The following LRRC58 variants were observed in gnomAD, a reference collection of about 807,000 sequenced individuals.
The protein encoded by LRRC58 is leucine-rich repeat-containing protein 58.
LRRC58 carries 18 observed loss-of-function variants against 30.6 expected under a neutral mutation model. The ratio of observed to expected loss-of-function variants is 0.59; its 90% CI spans 0.41 to 0.87. The LOEUF is 0.87. LRRC58 is among the 40% of genes least tolerant of loss of function. The pLI is 0.00. For synonymous variants in LRRC58, 221 were observed against 206.0 expected (o/e 1.07, Z -0.62); for missense variants, 420 against 468.4 (o/e 0.90, Z 0.95).
intron 3 of LRRC58, among the ~76,000 whole-genome samples, chr3:120,332,490 C>T: frequency 6.6e-6 from 1 of 152,008 alleles, no homozygotes; most frequent in Non-Finnish European, 1.5e-5. Context: ...GTTGGTCAGT[C>T]ATAGACCGAT....
At chr3:120,344,031 T>A (rs1235236345) in intron 1 of LRRC58, among the ~76,000 whole-genome samples, 3 of 151,454 alleles carry the variant, frequency 2.0e-5, no homozygotes, top group Non-Finnish European at 4.4e-5. Context: ...AGGGCGAGAC[T>A]CTGACTCCAA....
rs1935814280 is a variant in LRRC58 at position 120,334,958 on chromosome 3, T to C, written c.811A>G (p.Lys271Glu). The C allele has an allele frequency of 2.5e-6, 4 of 1,613,840 alleles. No homozygotes were observed. The highest frequency in any genetic ancestry group is 3.4e-6 in the Non-Finnish European group (4 of 1,179,828). The change falls in exon 3 of 4, where the codon AAG (lysine) becomes GAG (glutamate). Residue 271 changes from lysine (K) to glutamate (E), a missense_variant. Lys to Glu is a moderately conservative substitution (Grantham distance 56). Around this residue, in one of 2 missense-constraint regions of LRRC58, gnomAD observed 154 missense variants for 216.8 expected, o/e 0.71. Transcript: ENST00000295628. ...TLLELAARTI[K>E]IRNISYTPYD... The stretch of plus-strand genomic sequence containing the variant: ...GGAGTGTAGGAAATATTTCGAATCT[T>C]AATGGTCCGTGCAGCTAATTCCAGG...
chr3:120,330,449 C>T lies in LRRC58; in HGVS notation c.*751G>A, dbSNP rs1935738903. On this transcript the variant is annotated 3_prime_UTR_variant, in exon 4 of 4. Coordinates refer to ENST00000295628, the MANE Select transcript of LRRC58 (RefSeq NM_001099678.2). ...TTTTACAATGTTCTGCATGGTATGT[C>T]AGGTTATAGGTTGCTCTGGCATTAC... 1 of 152,090 alleles carries T rather than the reference C, an allele frequency of 6.6e-6. No homozygotes were observed. Among genetic ancestry groups the T allele is most frequent in the South Asian group, 2.1e-4 (1 of 4,830 alleles). The allele number at this position is 152,090 out of a possible 1,614,324, so 9.4% of individuals were successfully genotyped here.
At chr3:120,347,256 A>T (rs1268717147) in intron 1 of LRRC58, among the ~76,000 whole-genome samples, 1 of 152,170 alleles carries the variant, frequency 6.6e-6, no homozygotes, top group East Asian at 1.9e-4. Flanking sequence ...AAATGAAGAG[A>T]CATCTTGCCC....
intron 3 of LRRC58, among the ~76,000 whole-genome samples, chr3:120,334,201 A>T (rs1484522963): frequency 6.6e-6 from 1 of 152,166 alleles, no homozygotes; most frequent in Non-Finnish European, 1.5e-5. Flanking sequence ...AGAAAACATC[A>T]TTCAAATAAA....
At chr3:120,335,977 CA>C in intron 1 of LRRC58, 24 bp from the exon 2 acceptor site, 3 of 1,496,604 alleles carry the variant, frequency 2.0e-6, no homozygotes, top group Non-Finnish European at 2.7e-6. Context: ...TGAACAAAAC[CA>C]AAAAAGTAAA....
chr3:120,334,772 G>T, intron 3 of LRRC58, 90 bp downstream of exon 3: 1 of 1,202,182 alleles, frequency 8.3e-7, no homozygotes, highest in African/African-American at 1.5e-5. Flanking sequence ...AAAGGGAACA[G>T]AAACAGAGAC....
At chr3:120,336,009 C>A in intron 1 of LRRC58, 56 bp from the exon 2 acceptor site, 3 of 1,283,092 alleles carry the variant, frequency 2.3e-6, no homozygotes, top group South Asian at 2.7e-5. Context: ...AAAGATACCC[C>A]ATTGTGTCTA....
chr3:120,335,204 T>A, intron 2 of LRRC58, 65 bp from the exon 3 acceptor site: 1 of 1,364,262 alleles, frequency 7.3e-7, no homozygotes, highest in Non-Finnish European at 1.0e-6. Context: ...ATATTGAATA[T>A]ATGTGTGTAT....
Position 120,335,900 on chromosome 3 carries a change from A to G in LRRC58, c.554T>C (p.Leu185Ser). 1.3e-6 allele frequency: 2 copies of G among 1,599,640 alleles called. No homozygotes were observed. The highest frequency in any genetic ancestry group is 1.7e-6 in the Non-Finnish European group (2 of 1,167,210). Residue 185 changes from leucine (L) to serine (S), a missense_variant, in exon 2 of 4, where the codon TTA (leucine) becomes TCA (serine). Physicochemically the swap from Leu to Ser is moderately radical, Grantham distance 145 (BLOSUM62 -2). Around this residue, in one of 2 missense-constraint regions of LRRC58, gnomAD observed 266 missense variants for 251.7 expected, o/e 1.06. Coordinates refer to ENST00000295628, the MANE Select transcript of LRRC58 (RefSeq NM_001099678.2). ...GNFIKEIPPE[L>S]GNLPSLNYLV... ...ATAATTCAGAGAAGGCAGATTTCCT[A>G]ATTCTGGTGGGATTTCTTTAATGAA...
intron 1 of LRRC58, among the ~76,000 whole-genome samples, chr3:120,339,529 T>G (rs1488611799): frequency 1.3e-5 from 2 of 152,248 alleles, no homozygotes; most frequent in Non-Finnish European, 2.9e-5. Context: ...GTTTTAACTT[T>G]TTCCCCTCAC....
At chr3:120,348,026 G>T (rs1935996053) in intron 1 of LRRC58, among the ~76,000 whole-genome samples, 2 of 152,158 alleles carry the variant, frequency 1.3e-5, no homozygotes, top group Non-Finnish European at 2.9e-5. Flanking sequence ...AGCATAGGCT[G>T]TACTTTTTTG....
chr3:120,346,208 G>C (rs531887523), intron 1 of LRRC58, among the ~76,000 whole-genome samples: 1 of 152,218 alleles, frequency 6.6e-6, no homozygotes, highest in East Asian at 1.9e-4. Flanking sequence ...AGTGAGCCCA[G>C]ATCATGCCAC....
At chr3:120,337,888 G>A (rs958290824) in intron 1 of LRRC58, among the ~76,000 whole-genome samples, 1 of 151,978 alleles carries the variant, frequency 6.6e-6, no homozygotes, top group Non-Finnish European at 1.5e-5. Context: ...GCCCAGGCTG[G>A]AGTGCACTGG....
intron 1 of LRRC58, among the ~76,000 whole-genome samples, chr3:120,343,659 A>T (rs1935931407): frequency 6.6e-6 from 1 of 152,198 alleles, no homozygotes; most frequent in Admixed American, 6.5e-5. Flanking sequence ...CCCACTGAAA[A>T]AACAGGCTAG....
intron 1 of LRRC58, among the ~76,000 whole-genome samples, chr3:120,348,141 C>T (rs1267636664): frequency 6.6e-6 from 1 of 152,100 alleles, no homozygotes; most frequent in Non-Finnish European, 1.5e-5. Flanking sequence ...AGGCGTTTGC[C>T]AGGTGAAGGA....
rs1230249328 is a variant in LRRC58 at position 120,331,353 on chromosome 3, C to T, written c.963G>A (p.Lys321=). ...AGTAGTGCATCAGTGGGAGGCGATA[C>T]TTCCCACAGAAGTCCACAAATTTAA... ...RQIKFVDFCG[K]YRLPLMHYLC... The change falls in exon 4 of 4, where the codon AAG becomes AAA. Residue 321 remains lysine (K), a synonymous_variant. Transcript: ENST00000295628. The T allele has an allele frequency of 6.2e-7, 1 of 1,614,000 alleles. No homozygotes were observed. Among genetic ancestry groups the T allele is most frequent in the South Asian group, 1.1e-5 (1 of 91,086 alleles).
intron 2 of LRRC58, among the ~76,000 whole-genome samples, chr3:120,335,513 T>C (rs1935824521): frequency 6.6e-6 from 1 of 152,318 alleles, no homozygotes; most frequent in Non-Finnish European, 1.5e-5. Flanking sequence ...TAAAGCCTAA[T>C]TAGGATAGAA....
At chr3:120,348,721 C>A (rs765159243) in intron 1 of LRRC58, 23 bp downstream of exon 1, 1 of 1,518,996 alleles carries the variant, frequency 6.6e-7, no homozygotes, top group Non-Finnish European at 8.8e-7. Flanking sequence ...GGCCTCCCCA[C>A]CCTCCGGCAC....
Sources: gnomAD v4.1 joint callset for allele counts (sites outside exome capture counted in the v4.1 genomes callset) on GRCh38, gnomAD v4.1.1 for gene constraint, gnomAD v4.1.1 regional missense constraint, MANE v1.5 for transcripts, NCBI Gene and HGNC (gene_info 2026-07-23, HGNC 2026-07-21) for gene names.